The following ACTR6 variants were observed in gnomAD, a reference collection of about 807,000 sequenced individuals.
The protein encoded by ACTR6 is actin-related protein 6.
ACTR6 carries 50 observed loss-of-function variants against 52.5 expected under a neutral mutation model. The ratio of observed to expected loss-of-function variants is 0.95; its 90% CI spans 0.76 to 1.20. The LOEUF is 1.20. ACTR6 is among the 50% of genes most tolerant of loss of function. The pLI is 0.00. For synonymous variants in ACTR6, 135 were observed against 147.2 expected (o/e 0.92, Z 0.60); for missense variants, 344 against 472.4 (o/e 0.73, Z 2.52).
intron 2 of ACTR6, 65 bp from the exon 3 acceptor site, chr12:100,205,611 A>G: frequency 1.0e-6 from 1 of 977,960 alleles, no homozygotes; most frequent in East Asian, 3.1e-5. Context: ...TCAAATATTT[A>G]TAATCTGATT....
intron 4 of ACTR6, among the ~76,000 whole-genome samples, chr12:100,208,404 T>C (rs536774637): frequency 9.9e-4 from 151 of 152,120 alleles, no homozygotes; most frequent in African/African-American, 3.5e-3. Context: ...GCCTCCCAAG[T>C]AGCTGGGATT....
rs1268266968 is a variant in ACTR6 at position 100,212,479 on chromosome 12, T to TA, written c.702dup (p.Asp235ArgfsTer6). ...AAAGGAGAAGAAAATACAGTAATGA[T>TA]AGACTATGTCTTGCCTGACTTCAGT... is the stretch of plus-strand genomic sequence containing the variant. On this transcript the variant is annotated frameshift_variant, in exon 8 of 11. Transcript: ENST00000188312. LOFTEE classifies it high-confidence loss of function. 2.5e-6 allele frequency: 4 copies of TA among 1,613,776 alleles called. No individual in the cohort carries two copies. The highest frequency in any genetic ancestry group is 3.4e-6 in the Non-Finnish European group (4 of 1,179,834).
At chr12:100,208,859 G>T in intron 4 of ACTR6, 1 of 444,822 alleles carries the variant, frequency 2.2e-6, no homozygotes, top group Non-Finnish European at 4.5e-6. Context: ...GGATCCTCCC[G>T]CCTCAGCCTC....
intron 4 of ACTR6, 96 bp downstream of exon 4, chr12:100,207,882 C>A: frequency 7.2e-7 from 1 of 1,382,422 alleles, no homozygotes; most frequent in Non-Finnish European, 1.0e-6. Context: ...GCATTCTTGG[C>A]TAGCACAGTG....
At chr12:100,212,128 C>A in intron 6 of ACTR6, 128 bp from the exon 7 acceptor site, 1 of 616,678 alleles carries the variant, frequency 1.6e-6, no homozygotes, top group Non-Finnish European at 2.8e-6. Flanking sequence ...AATTATTTTA[C>A]ACATTCAAGA....
At chr12:100,208,116 G>A (rs924180932) in intron 4 of ACTR6, among the ~76,000 whole-genome samples, 5 of 152,026 alleles carry the variant, frequency 3.3e-5, no homozygotes, top group Admixed American at 2.6e-4. Flanking sequence ...AGCTATGATC[G>A]TGCCAGCCTG....
intron 4 of ACTR6, among the ~76,000 whole-genome samples, chr12:100,209,287 C>T (rs2096117849): frequency 6.6e-6 from 1 of 152,162 alleles, no homozygotes; most frequent in Admixed American, 6.5e-5. Flanking sequence ...AATCCCAGAA[C>T]TTTGGGAGGC....
chr12:100,210,949 C>T (rs897947335), intron 6 of ACTR6, among the ~76,000 whole-genome samples: 1 of 152,066 alleles, frequency 6.6e-6, no homozygotes, highest in African/African-American at 2.4e-5. Context: ...AATTGGCTTT[C>T]CATCGCTATA....
Position 100,218,010 on chromosome 12 carries a change from GTT to G in ACTR6, c.751-402_751-401del, listed in dbSNP as rs1192422225. Among the ~76,000 whole-genome samples the G allele has an allele frequency of 6.6e-6, 1 of 151,826 alleles. No individual in the cohort carries two copies. Among genetic ancestry groups the G allele is most frequent in the Non-Finnish European group, 1.5e-5 (1 of 67,940 alleles). ...TTTTTTTCTTTGTATTTTAATTTTT[GTT>G]TTGTTTTTTAAGAGACGGGGGTCTC... On this transcript the variant is annotated intron_variant, in intron 8 of 10. Coordinates refer to ENST00000188312, the MANE Select transcript of ACTR6 (RefSeq NM_022496.5). This position sits in a 1 kb window ranked among gnomAD's most constrained non-coding sequence, Gnocchi z 4.2.
At chr12:100,207,385 A>G (rs2096115753) in intron 3 of ACTR6, among the ~76,000 whole-genome samples, 1 of 152,106 alleles carries the variant, frequency 6.6e-6, no homozygotes, top group South Asian at 2.1e-4. Context: ...CATTTTATTA[A>G]TGCTACCTCT....
At chr12:100,223,261 AACCT>A (rs2096129716) in intron 10 of ACTR6, among the ~76,000 whole-genome samples, 1 of 152,120 alleles carries the variant, frequency 6.6e-6, no homozygotes, top group Non-Finnish European at 1.5e-5. Flanking sequence ...GAAACGTTTG[AACCT>A]GGGAGGCAGA....
At chr12:100,209,743 CATT>C (rs1195477492) in intron 4 of ACTR6, among the ~76,000 whole-genome samples, 2 of 152,158 alleles carry the variant, frequency 1.3e-5, no homozygotes, top group East Asian at 3.8e-4. Flanking sequence ...CACACACACT[CATT>C]ATACAGATTT....
intron 10 of ACTR6, among the ~76,000 whole-genome samples, chr12:100,221,512 G>A (rs747847267): frequency 2.5e-4 from 38 of 151,374 alleles, no homozygotes; most frequent in Non-Finnish European, 5.9e-5. Flanking sequence ...ACAGAAATAG[G>A]TCTTATTATT....
chr12:100,223,006 C>A (rs1052848378), intron 10 of ACTR6, among the ~76,000 whole-genome samples: 1 of 152,156 alleles, frequency 6.6e-6, no homozygotes, highest in African/African-American at 2.4e-5. Flanking sequence ...ATTCTAGTTC[C>A]AGACTTAACT....
Position 100,207,746 on chromosome 12 carries a change from A to G in ACTR6, c.339A>G (p.Leu113=). Residue 113 remains leucine, a synonymous_variant, in exon 4 of 11, where the codon CTA becomes CTG. Coordinates refer to ENST00000188312, the MANE Select transcript of ACTR6 (RefSeq NM_022496.5). ...TTCAAGAATCAATGAATGAAATTCT[A>G]TTTGAAGAATACCAGTTTCAAGCAG... ...TSIQESMNEI[L]FEEYQFQAVL... The G allele has an allele frequency of 6.3e-7, 1 of 1,597,708 alleles. No homozygotes were observed.
chr12:100,217,824 A>C (rs187559584), intron 8 of ACTR6, among the ~76,000 whole-genome samples: 2 of 152,314 alleles, frequency 1.3e-5, no homozygotes, highest in African/African-American at 4.8e-5. Flanking sequence ...ATAGAGCCAC[A>C]TATCCAGTAA....
chr12:100,220,651 G>A (rs867910378), intron 10 of ACTR6, among the ~76,000 whole-genome samples: 4 of 152,072 alleles, frequency 2.6e-5, no homozygotes, highest in South Asian at 2.1e-4. Context: ...CCTGTACAGT[G>A]TTATATGAGA....
chr12:100,223,823 T>G lies in ACTR6; in HGVS notation c.1099T>G (p.Ser367Ala), dbSNP rs771050741. 1 of 1,610,808 alleles carries G rather than the reference T, an allele frequency of 6.2e-7. No homozygotes were observed. Among genetic ancestry groups the G allele is most frequent in the African/African-American group, 1.3e-5 (1 of 74,780 alleles). The change falls in exon 11 of 11, where the codon TCA becomes GCA. Residue 367 changes from serine (S) to alanine (A), a missense_variant. Transcript: ENST00000188312. The stretch of plus-strand genomic sequence containing the variant: ...TGCCTGGGAAGGTGGAAAATTGATA[T>G]CAGAGAATGATGATTTTGAAGATAT... ...TYAWEGGKLI[S>A]ENDDFEDMVV...
chr12:100,220,204 C>A, intron 10 of ACTR6, 58 bp downstream of exon 10: 2 of 1,548,012 alleles, frequency 1.3e-6, no homozygotes, highest in South Asian at 1.2e-5. Flanking sequence ...AAAAGGTGGT[C>A]TGTTGACTTG....
Sources: allele counts gnomAD v4.1 joint callset (sites outside exome capture counted in the v4.1 genomes callset), GRCh38; gene constraint gnomAD v4.1.1; non-coding constraint Gnocchi (gnomAD v3.1); transcripts MANE v1.5; gene names NCBI Gene and HGNC (gene_info 2026-07-23, HGNC 2026-07-21).